The following CDKAL1 variants were observed in gnomAD, a reference collection of about 807,000 sequenced individuals.
CDKAL1 encodes the protein threonylcarbamoyladenosine tRNA methylthiotransferase.
CDKAL1 carries 32 observed loss-of-function variants against 68.2 expected under a neutral mutation model. The observed-to-expected ratio is 0.47, with a 90% confidence interval of 0.35 to 0.63. CDKAL1 has a LOEUF of 0.63. Ranked by LOEUF, CDKAL1 falls within the 30% of genes least tolerant of loss-of-function variation. CDKAL1 has a pLI of 0.00. For synonymous variants in CDKAL1, 234 were observed against 244.3 expected, an observed-to-expected ratio of 0.96 and a Z score of 0.39; for missense variants, 606 against 696.7, an observed-to-expected ratio of 0.87 and a Z score of 1.47.
At chr6:21,201,816 T>A (rs1778703182) in intron 15 of CDKAL1, among the ~76,000 whole-genome samples, 1 of 152,190 alleles carries the variant, frequency 6.6e-6, no homozygotes, top group Admixed American at 6.5e-5. Context: ...TTTTATACCT[T>A]GGTAAATATG....
rs760404728 is a variant in CDKAL1, at chr6:20,748,555, GAAAAAAAAAAAAAAAAAAAAAA to G, written c.468+8959_468+8980del. 3.8e-3 allele frequency among the ~76,000 whole-genome samples: 109 copies of G among 28,766 alleles called. 1 individual carries two copies. Among genetic ancestry groups the G allele is most frequent in the Admixed American group, 6.7e-3 (14 of 2,084 alleles). The allele number at this position is 28,766 out of a possible 152,430, so 18.9% of individuals were successfully genotyped here. A position where few individuals can be genotyped will look rare whatever the true frequency, so the allele number is the denominator to read the frequency against. ...GAAAGAGAGCAAGACTCTGTTTCTG[GAAAAAAAAAAAAAAAAAAAAAA>G]AAAAAAAAAAAAAAAAAAGCTATAG... On this transcript the variant is annotated intron_variant, in intron 6 of 15. Coordinates refer to ENST00000274695, the MANE Select transcript of CDKAL1 (RefSeq NM_017774.3).
intron 13 of CDKAL1, among the ~76,000 whole-genome samples, chr6:21,143,307 C>T (rs761170497): frequency 3.3e-5 from 5 of 152,146 alleles, no homozygotes; most frequent in African/African-American, 7.2e-5. Flanking sequence ...TTTCTCTCAA[C>T]GTTTCTCTAG....
At chr6:20,604,709 C>T (rs1014100858) in intron 4 of CDKAL1, among the ~76,000 whole-genome samples, 1 of 152,310 alleles carries the variant, frequency 6.6e-6, no homozygotes, top group East Asian at 1.9e-4. Flanking sequence ...TTACTGAATA[C>T]TCCTAATGCT....
intron 5 of CDKAL1, among the ~76,000 whole-genome samples, chr6:20,692,227 A>G (rs574007911): frequency 4.6e-5 from 7 of 152,344 alleles, no homozygotes; most frequent in African/African-American, 1.7e-4. Flanking sequence ...CTTTGCCAGG[A>G]TTTTAAACTG....
At chr6:20,845,181 T>G (rs1778331750) in intron 8 of CDKAL1, among the ~76,000 whole-genome samples, 1 of 152,176 alleles carries the variant, frequency 6.6e-6, no homozygotes, top group Non-Finnish European at 1.5e-5. Context: ...TTTTAAAGCA[T>G]TTGTGTACTA....
At chr6:20,605,712 C>A (rs1426517754) in intron 4 of CDKAL1, among the ~76,000 whole-genome samples, 20 of 152,098 alleles carry the variant, frequency 1.3e-4, no homozygotes, top group Non-Finnish European at 2.9e-4. Context: ...GAGGCAAGAT[C>A]CTTCTGTGTG....
At chr6:21,033,703 C>A (rs1331307573) in intron 11 of CDKAL1, among the ~76,000 whole-genome samples, 1 of 152,158 alleles carries the variant, frequency 6.6e-6, no homozygotes, top group Non-Finnish European at 1.5e-5. Flanking sequence ...TGTATCTGTC[C>A]CAGTACTCGC....
At chr6:21,033,732 C>T (rs1769422068) in intron 11 of CDKAL1, among the ~76,000 whole-genome samples, 1 of 152,168 alleles carries the variant, frequency 6.6e-6, no homozygotes, top group Non-Finnish European at 1.5e-5. Flanking sequence ...AGACGATGTG[C>T]TTTGTGAAAG....
chr6:20,717,330 C>G (rs1437381977), intron 5 of CDKAL1, among the ~76,000 whole-genome samples: 1 of 151,274 alleles, frequency 6.6e-6, no homozygotes, highest in African/African-American at 2.4e-5. Context: ...TGAGTCTGAT[C>G]CATTATAGAG....
intron 11 of CDKAL1, among the ~76,000 whole-genome samples, chr6:21,051,302 A>C (rs1561990582): frequency 6.6e-6 from 1 of 152,190 alleles, no homozygotes; most frequent in Non-Finnish European, 1.5e-5. Context: ...TGCACCCAAG[A>C]GATAGAGGCT....
At chr6:20,705,500 T>A (rs546088132) in intron 5 of CDKAL1, among the ~76,000 whole-genome samples, 1 of 152,156 alleles carries the variant, frequency 6.6e-6, no homozygotes, top group African/African-American at 2.4e-5. Flanking sequence ...CACTCAGCAG[T>A]TAGTAATAAT....
At position 20,674,973 on chromosome 6, in the gene CDKAL1, A is replaced by G. The variant is rs1308118641; in HGVS notation, c.371+25596A>G. Among the ~76,000 whole-genome samples, 3 of 152,090 alleles carry G rather than the reference A, an allele frequency of 2.0e-5. No homozygotes were observed. The East Asian group carries it at 5.8e-4, about 29-fold the overall frequency. ...AGCATTTCAGAAGATTGATGGAGTG[A>G]TTATTTTTCCTCTTACATCTATTAA... On this transcript the variant is annotated intron_variant, in intron 5 of 15. Transcript: ENST00000274695.
At chr6:21,093,282 A>C (rs1773139659) in intron 12 of CDKAL1, among the ~76,000 whole-genome samples, 1 of 152,224 alleles carries the variant, frequency 6.6e-6, no homozygotes, top group Admixed American at 6.5e-5. Context: ...TATTTTGAAG[A>C]AAAATGCTTT....
At chr6:20,905,502 G>C (rs1762192359) in intron 9 of CDKAL1, among the ~76,000 whole-genome samples, 1 of 152,170 alleles carries the variant, frequency 6.6e-6, no homozygotes, top group South Asian at 2.1e-4. Flanking sequence ...TTCCAGAAGA[G>C]AGAAAGGGGC....
intron 9 of CDKAL1, among the ~76,000 whole-genome samples, chr6:20,867,806 C>A (rs1301674088): frequency 1.3e-5 from 2 of 152,154 alleles, no homozygotes; most frequent in Non-Finnish European, 2.9e-5. Context: ...TTTCCCCTAT[C>A]CCTAACCCAA....
intron 4 of CDKAL1, among the ~76,000 whole-genome samples, chr6:20,599,632 T>A (rs1765995711): frequency 1.3e-5 from 2 of 152,218 alleles, no homozygotes; most frequent in African/African-American, 2.4e-5. Flanking sequence ...TATGAAAGTT[T>A]ACAGTGTATA....
chr6:20,640,525 G>A (rs185839134), intron 4 of CDKAL1, among the ~76,000 whole-genome samples: 149 of 152,254 alleles, frequency 9.8e-4, no homozygotes, highest in Non-Finnish European at 1.3e-3. Flanking sequence ...TTGCTTCCAT[G>A]TCTCCTGCTC....
intron 9 of CDKAL1, among the ~76,000 whole-genome samples, chr6:20,891,812 C>T (rs924224987): frequency 6.6e-6 from 1 of 152,152 alleles, no homozygotes; most frequent in African/African-American, 2.4e-5. Flanking sequence ...GGATTACAGG[C>T]GTGAGCCACG....
intron 11 of CDKAL1, among the ~76,000 whole-genome samples, chr6:21,046,415 G>A (rs1368408918): frequency 2.0e-5 from 3 of 152,228 alleles, no homozygotes; most frequent in African/African-American, 7.2e-5. Context: ...AGGGGGCAGT[G>A]GGTAGTGGGC....
Sources: allele counts gnomAD v4.1 joint callset (sites outside exome capture counted in the v4.1 genomes callset), GRCh38; gene constraint gnomAD v4.1.1; transcripts MANE v1.5; gene names NCBI Gene and HGNC (gene_info 2026-07-23, HGNC 2026-07-21).